PRIM2: variants seen among roughly 807,000 people sequenced by gnomAD.
PRIM2 encodes DNA primase large subunit.
A neutral mutation model predicts 67.3 loss-of-function variants in PRIM2; 39 were observed. The observed-to-expected ratio is 0.58, with a 90% confidence interval of 0.45 to 0.76. The LOEUF (loss-of-function observed/expected upper bound fraction) is 0.76. Ranked by LOEUF, PRIM2 falls within the 30% of genes least tolerant of loss-of-function variation. PRIM2 has a pLI of 0.00. For synonymous variants in PRIM2, 143 were observed against 198.7 expected (o/e 0.72, Z 2.36); for missense variants, 398 against 598.7 (o/e 0.66, Z 3.50).
At chr6:57,409,416 C>T (rs190108428) in intron 7 of PRIM2, among the ~76,000 whole-genome samples, 5 of 152,138 alleles carry the variant, frequency 3.3e-5, no homozygotes, top group Non-Finnish European at 5.9e-5. Context: ...ACCTCGTGAT[C>T]GCCCTCCTTG....
chr6:57,625,637 A>G (rs1470449074), intron 12 of PRIM2, among the ~76,000 whole-genome samples: 7 of 152,226 alleles, frequency 4.6e-5, no homozygotes, highest in Admixed American at 4.6e-4. Flanking sequence ...GTATAAATCA[A>G]GAAGCTTTCC....
At chr6:57,301,413 G>A in the PRIM2 span, among the ~76,000 whole-genome samples, 1 of 152,214 alleles carries the variant, frequency 6.6e-6, no homozygotes, top group Admixed American at 6.5e-5. Context: ...CTTGAACCCA[G>A]GAGGCGGAGG....
At position 57,352,530 on chromosome 6, in the gene PRIM2, C is replaced by T. The variant is rs567203454; in HGVS notation, c.459+26485C>T. ...CTGGGATTACAGGTGTGAGCCACCACGCCCGGCCTATTAAAGTGCCCACTT... is the reference window on the plus strand; with the variant it reads ...CTGGGATTACAGGTGTGAGCCACCATGCCCGGCCTATTAAAGTGCCCACTT... On this transcript the variant is annotated intron_variant, in intron 5 of 13. Coordinates refer to ENST00000615550, the MANE Select transcript of PRIM2 (RefSeq NM_000947.5). 6.8e-4 allele frequency among the ~76,000 whole-genome samples: 103 copies of T among 152,286 alleles called. 3 individuals carry two copies. In the East Asian group the frequency reaches 0.018, roughly 27 times the overall value.
intron 4 of PRIM2, among the ~76,000 whole-genome samples, chr6:57,325,572 G>C (rs1767823110): frequency 6.6e-6 from 1 of 152,108 alleles, no homozygotes; most frequent in Non-Finnish European, 1.5e-5. Flanking sequence ...GGGATTACGG[G>C]CATGAACCAC....
chr6:57,489,013 T>G (rs1374298736), intron 7 of PRIM2, among the ~76,000 whole-genome samples: 1 of 152,212 alleles, frequency 6.6e-6, no homozygotes, highest in Non-Finnish European at 1.5e-5. Context: ...GCACAACTTG[T>G]GAGAACTCTT....
chr6:57,373,341 T>A (rs1207218586), intron 5 of PRIM2, among the ~76,000 whole-genome samples: 1 of 152,260 alleles, frequency 6.6e-6, no homozygotes, highest in African/African-American at 2.4e-5. Flanking sequence ...TCCTTATAGA[T>A]ACTGGATATT....
intron 7 of PRIM2, among the ~76,000 whole-genome samples, chr6:57,434,673 C>T (rs1161870348): frequency 6.6e-6 from 1 of 152,010 alleles, no homozygotes; most frequent in African/African-American, 2.4e-5. Context: ...GCTTGACTGC[C>T]TTCTGCCATT....
intron 10 of PRIM2, among the ~76,000 whole-genome samples, chr6:57,584,883 A>G (rs1337316015): frequency 6.6e-6 from 1 of 152,234 alleles, no homozygotes; most frequent in African/African-American, 2.4e-5. Flanking sequence ...GCCTAACATA[A>G]TTCAGCTAGT....
At chr6:57,263,336 T>C in the PRIM2 span, among the ~76,000 whole-genome samples, 2 of 152,314 alleles carry the variant, frequency 1.3e-5, no homozygotes, top group South Asian at 2.1e-4. Flanking sequence ...AATCAAGACA[T>C]TGATAGAGCC....
At chr6:57,252,398 T>G in the PRIM2 span, among the ~76,000 whole-genome samples, 1 of 152,242 alleles carries the variant, frequency 6.6e-6, no homozygotes, top group African/African-American at 2.4e-5. Flanking sequence ...ACAGCTAATC[T>G]AATTCTGGAA....
the PRIM2 span, among the ~76,000 whole-genome samples, chr6:57,254,669 G>GTT: frequency 3.2e-4 from 49 of 151,912 alleles, 2 homozygotes; most frequent in African/African-American, 1.2e-3. Flanking sequence ...GATTAAACAA[G>GTT]TTTTATTGGA....
intron 5 of PRIM2, among the ~76,000 whole-genome samples, chr6:57,330,362 TTTTTG>T (rs1768014655): frequency 1.5e-4 from 11 of 71,932 alleles, no homozygotes; most frequent in African/African-American, 6.1e-4. Flanking sequence ...TTTTTTTTTG[TTTTTG>T]TTTTTTTGTT....
At chr6:57,281,368 A>G in the PRIM2 span, among the ~76,000 whole-genome samples, 1 of 152,126 alleles carries the variant, frequency 6.6e-6, no homozygotes, top group Non-Finnish European at 1.5e-5. Context: ...TTTTTTGAGG[A>G]AACTCCATAC....
At chr6:57,327,974 T>G (rs1023459663) in intron 5 of PRIM2, among the ~76,000 whole-genome samples, 1 of 152,166 alleles carries the variant, frequency 6.6e-6, no homozygotes, top group Non-Finnish European at 1.5e-5. Context: ...ATCTCTCACA[T>G]GTGCAGTTCA....
In PRIM2 at chr6:57,379,587, A is replaced by G. The variant is rs552365974; in HGVS notation, c.460-314A>G. Among the ~76,000 whole-genome samples, 390 of 152,238 alleles carry G rather than the reference A, an allele frequency of 2.6e-3. 7 individuals are homozygous for G. The South Asian group carries it at 0.027, about 11-fold the overall frequency. On this transcript the variant is annotated intron_variant, in intron 5 of 13. Transcript: ENST00000615550. ...TAATGCTCATTTTTAGTCTATATTA[A>G]CCTGAGTTTTTATGATAAGTTTTTT...
intron 10 of PRIM2, among the ~76,000 whole-genome samples, chr6:57,568,521 C>G (rs1271186909): frequency 1.3e-5 from 2 of 152,086 alleles, no homozygotes; most frequent in African/African-American, 4.8e-5. Context: ...TCACTACATG[C>G]CCCAGCATTT....
At chr6:57,393,734 C>T (rs528821983) in intron 7 of PRIM2, among the ~76,000 whole-genome samples, 4 of 151,962 alleles carry the variant, frequency 2.6e-5, no homozygotes, top group Middle Eastern at 3.4e-3. Context: ...GAAATCCTTG[C>T]CTAAGCCAGT....
chr6:57,613,458 A>G (rs1776700722), intron 12 of PRIM2, among the ~76,000 whole-genome samples: 1 of 152,212 alleles, frequency 6.6e-6, no homozygotes, highest in African/African-American at 2.4e-5. Flanking sequence ...TAATGGATAG[A>G]TGGTAATAGC....
At chr6:57,405,572 C>A (rs1479151855) in intron 7 of PRIM2, among the ~76,000 whole-genome samples, 7 of 133,778 alleles carry the variant, frequency 5.2e-5, no homozygotes, top group African/African-American at 2.0e-4. Context: ...ATTAAATTAC[C>A]CAGCTCTGGA....
Sources: gnomAD v4.1 joint callset for allele counts (sites outside exome capture counted in the v4.1 genomes callset) on GRCh38, gnomAD v4.1.1 for gene constraint, MANE v1.5 for transcripts, NCBI Gene and HGNC (gene_info 2026-07-23, HGNC 2026-07-21) for gene names.